Variants in PPTC7 observed in about 807,000 individuals in gnomAD.
The protein encoded by PPTC7 is protein phosphatase targeting COQ7.
A neutral mutation model predicts 30.8 loss-of-function variants in PPTC7; 6 were observed. The observed-to-expected ratio is 0.19, with a 90% CI of 0.11 to 0.38. The LOEUF is 0.38. PPTC7 is among the 10% of genes least tolerant of loss of function. The probability of loss-of-function intolerance (pLI) is 1.00; values close to 1 mark genes in which losing one functional copy is unlikely to be tolerated. For synonymous variants in PPTC7, 163 were observed against 168.1 expected, an observed-to-expected ratio of 0.97 and a Z score of 0.23; for missense variants, 218 against 404.8, an observed-to-expected ratio of 0.54 and a Z score of 3.96.
chr12:110,541,185 C>T (rs1051424622), intron 3 of PPTC7, among the ~76,000 whole-genome samples: 4 of 150,320 alleles, frequency 2.7e-5, no homozygotes, highest in African/African-American at 9.8e-5. Flanking sequence ...AGTGCAAGAC[C>T]AGCCTGACCA....
At chr12:110,548,862 T>C (rs1250394852) in intron 2 of PPTC7, among the ~76,000 whole-genome samples, 1 of 152,148 alleles carries the variant, frequency 6.6e-6, no homozygotes, top group Non-Finnish European at 1.5e-5. Context: ...GCTTGGAGTG[T>C]ACCCTCCTCT....
rs748911395 is a variant in PPTC7 at position 110,541,700 on chromosome 12, C to CAA, written c.603-1757_603-1756dup. 9.4e-3 allele frequency among the ~76,000 whole-genome samples: 624 copies of CAA among 66,114 alleles called. 10 individuals are homozygous for CAA. Among genetic ancestry groups the CAA allele is most frequent in the African/African-American group, 0.026 (525 of 20,486 alleles). 43.4% of individuals were successfully genotyped at this position (66,114 alleles called of 152,430 possible). ...GGGCAACGAGAGCTAAACTCCGTCTCAAAAAAAAAAAAAAAAAAAAAGAAT... is the reference window on the plus strand; with the variant it reads ...GGGCAACGAGAGCTAAACTCCGTCTCAAAAAAAAAAAAAAAAAAAAAAAGAAT... On this transcript the variant is annotated intron_variant, in intron 3 of 5. Transcript: ENST00000354300.
chr12:110,540,316 C>T (rs958116951), intron 3 of PPTC7, among the ~76,000 whole-genome samples: 22 of 132,596 alleles, frequency 1.7e-4, no homozygotes, highest in Non-Finnish European at 3.2e-4. Context: ...TCCATCCCCC[C>T]CCGCCTTTTT....
intron 1 of PPTC7, among the ~76,000 whole-genome samples, chr12:110,565,658 T>A (rs186723148): frequency 1.3e-5 from 2 of 152,348 alleles, no homozygotes; most frequent in Admixed American, 6.5e-5. Flanking sequence ...TACTCACATT[T>A]AATATTAAAA....
chr12:110,578,310 G>A (rs1203398403), intron 1 of PPTC7, among the ~76,000 whole-genome samples: 1 of 152,180 alleles, frequency 6.6e-6, no homozygotes, highest in African/African-American at 2.4e-5. Flanking sequence ...AGAGTAATAA[G>A]AGAACTCAGA....
rs1407033147 is a variant in PPTC7 at position 110,569,295 on chromosome 12, T to C, written c.223+13514A>G. 2.6e-5 allele frequency among the ~76,000 whole-genome samples: 4 copies of C among 151,924 alleles called. No individual in the cohort carries two copies. The South Asian group carries it at 8.3e-4, about 32-fold the overall frequency. On this transcript the variant is annotated intron_variant, in intron 1 of 5. Coordinates refer to ENST00000354300, the MANE Select transcript of PPTC7 (RefSeq NM_139283.2). ...TTGAAGTGAGCGGAGATCACACCAC[T>C]GCCCTCCAGCCTGGGCGACAGAGTG...
rs1460361958 is a variant in PPTC7 at position 110,565,251 on chromosome 12, CTTTT to C, written c.224-13287_224-13284del. ...GAGTACTTTTTTTTTCTTTTTCATA[CTTTT>C]TTTGTTTTGTTTCGTTTTTCAGACG... On this transcript the variant is annotated intron_variant, in intron 1 of 5. Transcript: ENST00000354300. 2.0e-5 allele frequency among the ~76,000 whole-genome samples: 3 copies of C among 151,400 alleles called. No individual in the cohort carries two copies. In the East Asian group the frequency reaches 5.8e-4, roughly 30 times the overall value.
intron 1 of PPTC7, among the ~76,000 whole-genome samples, chr12:110,571,112 G>A (rs547897454): frequency 1.1e-4 from 16 of 152,184 alleles, no homozygotes; most frequent in African/African-American, 3.4e-4. Flanking sequence ...TCAGCCTTAC[G>A]GTAAGCTTGT....
intron 1 of PPTC7, among the ~76,000 whole-genome samples, chr12:110,571,688 T>C (rs1029830156): frequency 3.3e-5 from 5 of 152,174 alleles, no homozygotes; most frequent in East Asian, 1.9e-4. Flanking sequence ...GGAAAAAACA[T>C]AGCCTATATA....
rs542330843 is a variant in PPTC7, at chr12:110,573,463, T to C, written c.223+9346A>G. On this transcript the variant is annotated intron_variant, in intron 1 of 5. Transcript: ENST00000354300. ...GAGTCACACACTATTAAAAACTCCATTTGCACACTGTTGCAACTTTTTAAA... is the reference window on the plus strand; with the variant it reads ...GAGTCACACACTATTAAAAACTCCACTTGCACACTGTTGCAACTTTTTAAA... Among the ~76,000 whole-genome samples, 9 of 152,298 alleles carry C rather than the reference T, an allele frequency of 5.9e-5. 1 individual carries two copies. In the South Asian group the frequency reaches 1.9e-3, roughly 32 times the overall value.
intron 1 of PPTC7, among the ~76,000 whole-genome samples, chr12:110,557,578 A>G (rs1483149692): frequency 6.6e-6 from 1 of 152,202 alleles, no homozygotes; most frequent in African/African-American, 2.4e-5. Flanking sequence ...GGATCTGGCC[A>G]AGTTTAACAC....
At chr12:110,542,648 T>TG (rs1011914365) in intron 3 of PPTC7, among the ~76,000 whole-genome samples, 4 of 120,864 alleles carry the variant, frequency 3.3e-5, no homozygotes, top group Non-Finnish European at 6.3e-5. Flanking sequence ...TCCAGCAGCC[T>TG]GGGCAGCAGA....
chr12:110,545,324 C>G (rs1438558459), intron 3 of PPTC7, among the ~76,000 whole-genome samples: 2 of 152,160 alleles, frequency 1.3e-5, no homozygotes, highest in African/African-American at 4.8e-5. Flanking sequence ...AACTCCTGGC[C>G]TCAAGTGATC....
intron 1 of PPTC7, among the ~76,000 whole-genome samples, chr12:110,578,836 T>C (rs1478272138): frequency 6.6e-6 from 1 of 152,114 alleles, no homozygotes; most frequent in Non-Finnish European, 1.5e-5. Flanking sequence ...GACAGCAGTA[T>C]TAAAGAGTCA....
In PPTC7 at chr12:110,538,291, G is replaced by T; in HGVS notation, c.727-18C>A. 7 of 1,611,384 alleles carry T rather than the reference G, an allele frequency of 4.3e-6. No individual in the cohort carries two copies. Among genetic ancestry groups the T allele is most frequent in the Non-Finnish European group, 5.9e-6 (7 of 1,177,688 alleles). ...TTTGAATTCTAAGATAAAGCATGAG[G>T]AAGTTATTTTACCATAATGCTCAAG... On this transcript the variant is annotated intron_variant, in intron 4 of 5. Transcript: ENST00000354300.
chr12:110,549,799 A>C (rs1243195142), intron 2 of PPTC7, among the ~76,000 whole-genome samples: 1 of 152,172 alleles, frequency 6.6e-6, no homozygotes, highest in Non-Finnish European at 1.5e-5. Context: ...GTCAAAGTAA[A>C]TGATCGGGGG....
chr12:110,572,394 C>G (rs145991195), intron 1 of PPTC7, among the ~76,000 whole-genome samples: 101 of 152,146 alleles, frequency 6.6e-4, no homozygotes, highest in African/African-American at 2.3e-3. Context: ...TGAGCCAAGA[C>G]CACGCCATTG....
At chr12:110,537,737 T>C (rs2064229869) in intron 5 of PPTC7, among the ~76,000 whole-genome samples, 1 of 152,152 alleles carries the variant, frequency 6.6e-6, no homozygotes, top group Admixed American at 6.5e-5. Context: ...CTGTGGCAAT[T>C]TGTCAGGCAA....
At chr12:110,567,072 C>T (rs1389400752) in intron 1 of PPTC7, among the ~76,000 whole-genome samples, 1 of 152,136 alleles carries the variant, frequency 6.6e-6, no homozygotes, top group Non-Finnish European at 1.5e-5. Context: ...CCATTTTCTT[C>T]GTCACTACAA....
Sources: gnomAD v4.1 joint callset for allele counts (sites outside exome capture counted in the v4.1 genomes callset) on GRCh38, gnomAD v4.1.1 for gene constraint, MANE v1.5 for transcripts, NCBI Gene and HGNC (gene_info 2026-07-23, HGNC 2026-07-21) for gene names.